Variants in TMEM14A observed in about 807,000 individuals in gnomAD.
The protein encoded by TMEM14A is transmembrane protein 14A.
TMEM14A carries 8 observed loss-of-function variants against 11.6 expected under a neutral mutation model. The ratio of observed to expected loss-of-function variants is 0.69; its 90% confidence interval spans 0.40 to 1.24. The LOEUF (loss-of-function observed/expected upper bound fraction) is 1.24, where lower values mean the gene tolerates loss of function less well. Among genes scored for constraint, TMEM14A ranks in the 50% most tolerant of loss-of-function variants. The pLI is 0.01. For synonymous variants in TMEM14A, 34 were observed against 45.5 expected, an observed-to-expected ratio of 0.75 and a Z score of 1.02; for missense variants, 108 against 121.9, an observed-to-expected ratio of 0.89 and a Z score of 0.54.
intron 3 of TMEM14A, 115 bp downstream of exon 3, chr6:52,682,029 A>C (rs1479937050): frequency 3.8e-6 from 3 of 793,724 alleles, no homozygotes; most frequent in Non-Finnish European, 6.1e-6. Context: ...GGCCATATGC[A>C]TGTGTTGAGG....
chr6:52,671,892 A>C (rs988514351), intron 1 of TMEM14A, among the ~76,000 whole-genome samples: 3 of 152,220 alleles, frequency 2.0e-5, no homozygotes, highest in African/African-American at 7.2e-5. Flanking sequence ...CCATGTTAAC[A>C]CAGCCTCTGG....
chr6:52,681,310 C>T (rs1769387957), intron 2 of TMEM14A, among the ~76,000 whole-genome samples: 3 of 152,094 alleles, frequency 2.0e-5, no homozygotes, highest in Admixed American at 2.0e-4. Flanking sequence ...TGAGTCCTGA[C>T]ATCTTGAGGC....
At chr6:52,678,343 G>A (rs539697867) in intron 2 of TMEM14A, among the ~76,000 whole-genome samples, 6,979 of 150,942 alleles carry the variant, frequency 0.046, 255 homozygotes, top group East Asian at 0.15. Context: ...GTGTGTGTGT[G>A]TGTGTGTGTG....
At chr6:52,676,971 A>T in intron 1 of TMEM14A, 116 bp from the exon 2 acceptor site, 1 of 898,122 alleles carries the variant, frequency 1.1e-6, no homozygotes, top group East Asian at 2.5e-5. Context: ...TCACAATTCA[A>T]CATGAAATTT....
intron 2 of TMEM14A, among the ~76,000 whole-genome samples, chr6:52,678,372 G>T (rs941879975): frequency 6.9e-6 from 1 of 145,740 alleles, no homozygotes; most frequent in African/African-American, 2.6e-5. Context: ...TGTGTGTGTG[G>T]AAGGAATCAT....
chr6:52,676,346 G>T (rs1769257674), intron 1 of TMEM14A, among the ~76,000 whole-genome samples: 2 of 152,134 alleles, frequency 1.3e-5, no homozygotes, highest in Non-Finnish European at 2.9e-5. Flanking sequence ...TCAACCTCCA[G>T]GGCTCAAGCA....
Position 52,677,067 on chromosome 6 carries a change from T to G in TMEM14A, c.-16-20T>G. The G allele has an allele frequency of 3.1e-6, 5 of 1,610,928 alleles. No individual in the cohort carries two copies. Among genetic ancestry groups the G allele is most frequent in the Non-Finnish European group, 4.2e-6 (5 of 1,177,132 alleles). ...AAACTTTTTTATTTTGTATAATTTG[T>G]CCTTTCCCCCTTGCTTTAGAATTGC... On this transcript the variant is annotated intron_variant, in intron 1 of 4. Coordinates refer to ENST00000211314, the MANE Select transcript of TMEM14A (RefSeq NM_014051.4).
intron 2 of TMEM14A, among the ~76,000 whole-genome samples, 199 bp from the exon 3 acceptor site, chr6:52,681,614 C>T (rs1769393007): frequency 6.6e-6 from 1 of 152,200 alleles, no homozygotes; most frequent in South Asian, 2.1e-4. Flanking sequence ...GCTCCTCTGC[C>T]TTGCATTTGG....
intron 4 of TMEM14A, 72 bp from the exon 5 acceptor site, chr6:52,685,938 G>C: frequency 4.0e-6 from 6 of 1,483,454 alleles, no homozygotes; most frequent in Non-Finnish European, 5.6e-6. Context: ...GGGTAGGCGA[G>C]TGCATGGCCC....
rs1561874917 is a variant in TMEM14A at position 52,680,587 on chromosome 6, A to ATATT, written c.71-1223_71-1222insTTAT. On this transcript the variant is annotated intron_variant, in intron 2 of 4. Coordinates refer to ENST00000211314, the MANE Select transcript of TMEM14A (RefSeq NM_014051.4). ...TAACATTCTAAGCCACTATATATTT[A>ATATT]TATATTTATATATATATATATATAT... Among the ~76,000 whole-genome samples the ATATT allele has an allele frequency of 2.2e-5, 2 of 92,622 alleles. 1 individual carries two copies. Among genetic ancestry groups the ATATT allele is most frequent in the East Asian group, 5.8e-4 (2 of 3,460 alleles). 60.8% of individuals were successfully genotyped at this position (92,622 alleles called of 152,430 possible).
chr6:52,673,673 C>T (rs1298706586), intron 1 of TMEM14A, among the ~76,000 whole-genome samples: 1 of 152,194 alleles, frequency 6.6e-6, no homozygotes, highest in East Asian at 1.9e-4. Context: ...TCTTAGGGCT[C>T]ATTCACACAT....
At chr6:52,678,763 G>A (rs955798755) in intron 2 of TMEM14A, among the ~76,000 whole-genome samples, 1 of 152,158 alleles carries the variant, frequency 6.6e-6, no homozygotes, top group Non-Finnish European at 1.5e-5. Flanking sequence ...ATTTCACATG[G>A]TGCCTGGCAT....
chr6:52,682,009 A>T, intron 3 of TMEM14A, 95 bp downstream of exon 3: 3 of 968,924 alleles, frequency 3.1e-6, no homozygotes, highest in Non-Finnish European at 3.1e-6. Context: ...TATTTAGTCA[A>T]ATGGCAAATG....
In TMEM14A at chr6:52,686,103, G is replaced by A; in HGVS notation, c.*54G>A. ...ATGTCATCCTGCTGTAATGGGCAGA[G>A]CATATTTTTTTTGTATTTAAAAGAT... On this transcript the variant is annotated 3_prime_UTR_variant, in exon 5 of 5. Transcript: ENST00000211314. 2 of 1,520,110 alleles carry A rather than the reference G, an allele frequency of 1.3e-6. No individual in the cohort carries two copies. Among genetic ancestry groups the A allele is most frequent in the Non-Finnish European group, 8.9e-7 (1 of 1,127,682 alleles). The allele number at this position is 1,520,110 out of a possible 1,614,324, so 94.2% of individuals were successfully genotyped here.
At chr6:52,680,648 T>TATATAC (rs1166693844) in intron 2 of TMEM14A, among the ~76,000 whole-genome samples, 1 of 93,686 alleles carries the variant, frequency 1.1e-5, no homozygotes, top group Non-Finnish European at 2.4e-5. Flanking sequence ...TGTGTATATA[T>TATATAC]ATGTGTGTGT....
intron 1 of TMEM14A, among the ~76,000 whole-genome samples, chr6:52,672,750 T>C (rs1361069408): frequency 1.3e-5 from 2 of 152,202 alleles, no homozygotes; most frequent in Non-Finnish European, 2.9e-5. Context: ...CTTCTCTCCA[T>C]TCTCATTGCC....
At chr6:52,685,799 A>G (rs1358951238) in intron 4 of TMEM14A, among the ~76,000 whole-genome samples, 3 of 152,180 alleles carry the variant, frequency 2.0e-5, no homozygotes, top group Admixed American at 6.5e-5. Flanking sequence ...TCAGAACAAC[A>G]GGTTCTGATT....
rs1237245547 is a variant in TMEM14A at position 52,677,495 on chromosome 6, C to T, written c.70+323C>T. Reference sequence around the variant, plus strand: ...ATGAGGATTTTTTTTTTTTGCTTTACATAATCGTGGTACCAAAAAACTGAG... The same window carrying T: ...ATGAGGATTTTTTTTTTTTGCTTTATATAATCGTGGTACCAAAAAACTGAG... On this transcript the variant is annotated intron_variant, in intron 2 of 4. Transcript: ENST00000211314. 6.0e-5 allele frequency among the ~76,000 whole-genome samples: 9 copies of T among 149,266 alleles called. No individual in the cohort carries two copies. In the South Asian group the frequency reaches 1.9e-3, roughly 32 times the overall value.
chr6:52,682,986 T>A (rs1053196629), intron 3 of TMEM14A, among the ~76,000 whole-genome samples: 2 of 152,180 alleles, frequency 1.3e-5, no homozygotes, highest in Non-Finnish European at 2.9e-5. Context: ...ATTTTTTTTT[T>A]ATTAATCAGA....
Sources: allele counts gnomAD v4.1 joint callset (sites outside exome capture counted in the v4.1 genomes callset), GRCh38; gene constraint gnomAD v4.1.1; transcripts MANE v1.5; gene names NCBI Gene and HGNC (gene_info 2026-07-23, HGNC 2026-07-21).